The following SLC38A1 variants were observed in gnomAD, a reference collection of about 807,000 sequenced individuals.
The protein encoded by SLC38A1 is sodium-coupled neutral amino acid symporter 1.
In SLC38A1, 18 loss-of-function variants were observed where a neutral mutation model predicts 60.3. That is an observed-to-expected ratio of 0.30 (90% CI 0.21 to 0.44). The LOEUF (loss-of-function observed/expected upper bound fraction) is 0.44, where lower values mean the gene tolerates loss of function less well. SLC38A1 is among the 20% of genes least tolerant of loss of function. The probability of loss-of-function intolerance (pLI) is 1.00; values close to 1 mark genes in which losing one functional copy is unlikely to be tolerated. For synonymous variants in SLC38A1, 196 were observed against 212.1 expected (o/e 0.92, Z 0.66); for missense variants, 448 against 587.2 (o/e 0.76, Z 2.45).
In SLC38A1 at chr12:46,260,852, G is replaced by C. The variant is rs924504399; in HGVS notation, c.-209+7674C>G. 2.6e-5 allele frequency among the ~76,000 whole-genome samples: 4 copies of C among 151,968 alleles called. No individual in the cohort carries two copies. In the South Asian group the frequency reaches 8.3e-4, roughly 32 times the overall value. On this transcript the variant is annotated intron_variant, in intron 1 of 16. Coordinates refer to ENST00000398637, the MANE Select transcript of SLC38A1 (RefSeq NM_030674.4). ...CTTTGCCACAGTCACTCTCCGCCAC[G>C]CTACCTCCTGCTTCTTGCCCTCTCC...
In SLC38A1 at chr12:46,269,014, C is replaced by T. The variant is rs932046530; in HGVS notation, c.-697G>A. ...GCGCGGTCTCCTCCCCTCCTGTGCGCCCGCTCTTTAACCAAAGCTGCGTGT... is the reference window on the plus strand; with the variant it reads ...GCGCGGTCTCCTCCCCTCCTGTGCGTCCGCTCTTTAACCAAAGCTGCGTGT... On this transcript the variant is annotated 5_prime_UTR_variant, in exon 1 of 17. Transcript: ENST00000398637. 9 of 336,048 alleles carry T rather than the reference C, an allele frequency of 2.7e-5. No individual in the cohort carries two copies. The highest frequency in any genetic ancestry group is 5.1e-5 in the Non-Finnish European group (8 of 155,554). 20.8% of individuals were successfully genotyped at this position (336,048 alleles called of 1,614,324 possible).
Position 46,198,312 on chromosome 12 carries a change from G to A in SLC38A1, c.1123-252C>T, listed in dbSNP as rs536962338. 2.6e-5 allele frequency among the ~76,000 whole-genome samples: 4 copies of A among 152,290 alleles called. 1 individual carries two copies. The highest frequency in any genetic ancestry group is 9.6e-5 in the African/African-American group (4 of 41,566). ...TCTGTCTTTGGTTTATCTAAGACTT[G>A]AATGTTCATTTCTGTTCTTTTTATA... On this transcript the variant is annotated intron_variant, in intron 14 of 16. Coordinates refer to ENST00000398637, the MANE Select transcript of SLC38A1 (RefSeq NM_030674.4).
chr12:46,241,150 GT>G (rs201849000), intron 2 of SLC38A1, among the ~76,000 whole-genome samples: 1 of 151,944 alleles, frequency 6.6e-6, no homozygotes, highest in East Asian at 1.9e-4. Flanking sequence ...CAATGAGCTG[GT>G]TTTTTTTAAA....
chr12:46,260,815 T>C (rs1942172693), intron 1 of SLC38A1, among the ~76,000 whole-genome samples: 1 of 152,174 alleles, frequency 6.6e-6, no homozygotes, highest in African/African-American at 2.4e-5. Flanking sequence ...CCTTACAGTT[T>C]CACAGCCTGA....
intron 12 of SLC38A1, among the ~76,000 whole-genome samples, 199 bp from the exon 13 acceptor site, chr12:46,201,397 A>G (rs1939653134): frequency 6.6e-6 from 1 of 152,194 alleles, no homozygotes; most frequent in Non-Finnish European, 1.5e-5. Context: ...GATCTGTGGA[A>G]CTACACTCCC....
chr12:46,233,223 A>ATGT (rs1941141651), intron 3 of SLC38A1, among the ~76,000 whole-genome samples: 1 of 151,940 alleles, frequency 6.6e-6, no homozygotes, highest in Non-Finnish European at 1.5e-5. Context: ...GAGTCTTGCT[A>ATGT]TGTTGCCCAC....
rs1204745293 is a variant in SLC38A1, at chr12:46,243,220, G to C, written c.-114C>G. On this transcript the variant is annotated 5_prime_UTR_variant, in exon 2 of 17. Coordinates refer to ENST00000398637, the MANE Select transcript of SLC38A1 (RefSeq NM_030674.4). ...TTCACCTGTTAGCTCAGCAAGCAGA[G>C]ACGATCACTCTATATATATTGTTGT... 6.6e-6 allele frequency: 1 copy of C among 151,984 alleles called. No homozygotes were observed. Among genetic ancestry groups the C allele is most frequent in the Non-Finnish European group, 1.5e-5 (1 of 68,002 alleles). The allele number at this position is 151,984 out of a possible 1,614,324, so 9.4% of individuals were successfully genotyped here. A position where few individuals can be genotyped will look rare whatever the true frequency, so the allele number is the denominator to read the frequency against.
intron 16 of SLC38A1, among the ~76,000 whole-genome samples, chr12:46,189,531 T>C (rs1030991709): frequency 2.0e-5 from 3 of 152,054 alleles, no homozygotes; most frequent in Admixed American, 1.3e-4. Flanking sequence ...GCAAAATAGA[T>C]TTGATTAAGT....
In SLC38A1 at chr12:46,244,274, T is replaced by C. The variant is rs73278898; in HGVS notation, c.-208-960A>G. On this transcript the variant is annotated intron_variant, in intron 1 of 16. Transcript: ENST00000398637. ...ATAGGACCTGAACTGTGTCTAACAA[T>C]AGGTAATATTAGACTGGGGGAGAGA... Among the ~76,000 whole-genome samples, 445 of 152,266 alleles carry C rather than the reference T, an allele frequency of 2.9e-3. 3 individuals are homozygous for C. The highest frequency in any genetic ancestry group is 0.01 in the African/African-American group (425 of 41,548).
intron 3 of SLC38A1, among the ~76,000 whole-genome samples, chr12:46,234,131 G>A (rs1176044544): frequency 6.6e-6 from 1 of 152,134 alleles, no homozygotes; most frequent in Non-Finnish European, 1.5e-5. Context: ...GGAATTTTTG[G>A]ACTGTGACCT....
At chr12:46,225,657 T>C (rs966738359) in intron 5 of SLC38A1, among the ~76,000 whole-genome samples, 3 of 152,132 alleles carry the variant, frequency 2.0e-5, no homozygotes, top group Admixed American at 6.5e-5. Context: ...CTTAAGTAAA[T>C]AGCATCTTAA....
intron 13 of SLC38A1, among the ~76,000 whole-genome samples, chr12:46,200,108 G>A (rs550205918): frequency 2.6e-5 from 4 of 151,930 alleles, no homozygotes; most frequent in South Asian, 4.1e-4. Context: ...TAAGTTCTCC[G>A]CCTCTCTCTC....
intron 1 of SLC38A1, chr12:46,254,884 T>C (rs966989623): frequency 6.5e-6 from 1 of 152,936 alleles, no homozygotes; most frequent in African/African-American, 2.4e-5. Flanking sequence ...TTCAGAGGAG[T>C]ATACTTTACA....
At chr12:46,261,555 A>C (rs1440404918) in intron 1 of SLC38A1, among the ~76,000 whole-genome samples, 2 of 152,196 alleles carry the variant, frequency 1.3e-5, no homozygotes, top group Admixed American at 6.5e-5. Context: ...CACAAACACC[A>C]TCTTCCCATG....
rs1052841087 is a variant in SLC38A1, at chr12:46,198,755, G to A, written c.1004-12C>T. ...GGACTGCACGTTGTCTAAAATGAGG[G>A]AAAAGCAAGAGGGTTTTAAAAGGAG... On this transcript the variant is annotated splice_polypyrimidine_tract_variant and intron_variant, in intron 13 of 16. Transcript: ENST00000398637. The A allele has an allele frequency of 3.2e-6, 5 of 1,541,894 alleles. No individual in the cohort carries two copies. The highest frequency in any genetic ancestry group is 1.8e-5 in the Admixed American group (1 of 54,580).
intron 14 of SLC38A1, 64 bp from the exon 15 acceptor site, chr12:46,198,124 G>T (rs80046507): frequency 1.3e-6 from 2 of 1,512,100 alleles, no homozygotes; most frequent in African/African-American, 1.4e-5. Context: ...ACATTTCTCT[G>T]CAGAGTAACT....
Position 46,239,806 on chromosome 12 carries a change from G to A in SLC38A1, c.-6C>T, listed in dbSNP as rs1441560847. 1.2e-6 allele frequency: 2 copies of A among 1,612,156 alleles called. No individual in the cohort carries two copies. Among genetic ancestry groups the A allele is most frequent in the African/African-American group, 1.3e-5 (1 of 74,942 alleles). ...CCACTTTTGAAATGCATCATGATTA[G>A]AAAGTGTCTGTAGTTTGAAAATTAG... On this transcript the variant is annotated 5_prime_UTR_variant, in exon 3 of 17. Transcript: ENST00000398637.
At position 46,223,055 on chromosome 12, in the gene SLC38A1, G is replaced by A. The variant is rs569520241; in HGVS notation, c.314+6098C>T. ...GGTAAGTACTAACTTGCAAGCATCC[G>A]TTGATAAAAATAAAGTTTTTCTCAA... On this transcript the variant is annotated intron_variant, in intron 5 of 16. Coordinates refer to ENST00000398637, the MANE Select transcript of SLC38A1 (RefSeq NM_030674.4). Among the ~76,000 whole-genome samples, 23 of 152,258 alleles carry A rather than the reference G, an allele frequency of 1.5e-4. No individual in the cohort carries two copies. In the South Asian group the frequency reaches 3.1e-3, roughly 21 times the overall value.
chr12:46,207,236 G>A lies in SLC38A1; in HGVS notation c.482C>T (p.Ala161Val). 2 of 1,609,272 alleles carry A rather than the reference G, an allele frequency of 1.2e-6. No individual in the cohort carries two copies. The highest frequency in any genetic ancestry group is 1.7e-6 in the Non-Finnish European group (2 of 1,177,368). Reference protein sequence around the residue: ...FGATSLQNTGAMLSYLFIVKN... With the variant: ...FGATSLQNTGVMLSYLFIVKN... Reference sequence around the variant, plus strand: ...TACGATGAAGAGGTAGCTCAGCATTGCTGAAGGAAAATGAGAACATTTTTA... The same window carrying A: ...TACGATGAAGAGGTAGCTCAGCATTACTGAAGGAAAATGAGAACATTTTTA... Residue 161 changes from alanine to valine, a missense_variant and splice_region_variant, in exon 8 of 17, where the codon GCA becomes GTA. Around this residue, in one of 2 missense-constraint regions of SLC38A1, gnomAD observed 346 missense variants for 497.5 expected, o/e 0.70. Transcript: ENST00000398637.
Sources: allele counts gnomAD v4.1 joint callset (sites outside exome capture counted in the v4.1 genomes callset), GRCh38; gene constraint gnomAD v4.1.1; regional missense constraint gnomAD v4.1.1; transcripts MANE v1.5; gene names NCBI Gene and HGNC (gene_info 2026-07-23, HGNC 2026-07-21).